MAP4K4: variants seen among roughly 807,000 people sequenced by gnomAD.
MAP4K4 encodes the protein mitogen-activated protein kinase kinase kinase kinase 4.
A neutral mutation model predicts 189.6 loss-of-function variants in MAP4K4; 38 were observed. That is an observed-to-expected ratio of 0.20 (90% confidence interval 0.15 to 0.26). The LOEUF (loss-of-function observed/expected upper bound fraction) is 0.26. MAP4K4 is among the 10% of genes least tolerant of loss of function. MAP4K4 has a pLI of 1.00. For synonymous variants in MAP4K4, 610 were observed against 624.3 expected (o/e 0.98, Z 0.34); for missense variants, 1,054 against 1,726.9 (o/e 0.61, Z 6.91).
rs900414653 is a variant in MAP4K4, at chr2:101,731,324, C to T, written c.123+32786C>T. Reference sequence around the variant, plus strand: ...TAGAGATGGGGTTTCACCATGTTGGCCAGGCTGGCCTCGAACTCCTGACCT... The same window carrying T: ...TAGAGATGGGGTTTCACCATGTTGGTCAGGCTGGCCTCGAACTCCTGACCT... On this transcript the variant is annotated intron_variant, in intron 2 of 32. Coordinates refer to ENST00000324219, the Ensembl canonical transcript of MAP4K4. Among the ~76,000 whole-genome samples, 60 of 151,712 alleles carry T rather than the reference C, an allele frequency of 4.0e-4. 1 individual carries two copies. Among genetic ancestry groups the T allele is most frequent in the Non-Finnish European group, 8.8e-5 (6 of 67,930 alleles).
intron 2 of MAP4K4, among the ~76,000 whole-genome samples, chr2:101,713,849 G>A (rs62155719): frequency 0.29 from 42,629 of 149,486 alleles, 6,713 homozygotes; most frequent in South Asian, 0.5. Context: ...AGCTGAGGTC[G>A]CGCCACTGCA....
At chr2:101,783,203 A>G (rs991622276) in intron 2 of MAP4K4, among the ~76,000 whole-genome samples, 7 of 134,370 alleles carry the variant, frequency 5.2e-5, no homozygotes, top group Non-Finnish European at 1.0e-4. Context: ...AATCTGTAAA[A>G]TCACCATTTT....
intron 2 of MAP4K4, among the ~76,000 whole-genome samples, chr2:101,722,506 A>G (rs114784661): frequency 1.4e-3 from 212 of 152,328 alleles, no homozygotes; most frequent in Non-Finnish European, 2.6e-3. Flanking sequence ...AAAGAGGTAA[A>G]TAAAGGTCTG....
chr2:101,703,939 C>T (rs541630885), intron 2 of MAP4K4, among the ~76,000 whole-genome samples: 2 of 151,822 alleles, frequency 1.3e-5, no homozygotes, highest in East Asian at 3.9e-4. Flanking sequence ...TGAACTTCCC[C>T]AGGAGGTGGA....
intron 3 of MAP4K4, among the ~76,000 whole-genome samples, chr2:101,811,174 C>T (rs2095397381): frequency 6.6e-6 from 1 of 151,732 alleles, no homozygotes; most frequent in African/African-American, 2.4e-5. Context: ...GAGATCGAGG[C>T]CATCCTGCCC....
At chr2:101,764,113 C>G (rs887012185) in intron 2 of MAP4K4, among the ~76,000 whole-genome samples, 2 of 151,894 alleles carry the variant, frequency 1.3e-5, no homozygotes, top group Admixed American at 6.6e-5. Flanking sequence ...AACATACTTA[C>G]AACATTGTTT....
intron 2 of MAP4K4, among the ~76,000 whole-genome samples, chr2:101,787,625 C>G (rs900137896): frequency 2.0e-5 from 3 of 152,068 alleles, no homozygotes; most frequent in African/African-American, 7.2e-5. Context: ...TTAAAAAACT[C>G]TTGGTGTAGC....
At chr2:101,767,467 T>C (rs968711992) in intron 2 of MAP4K4, among the ~76,000 whole-genome samples, 48 of 152,224 alleles carry the variant, frequency 3.2e-4, no homozygotes, top group African/African-American at 1.1e-3. Flanking sequence ...GAGGGAGCTT[T>C]TGAACACAAA....
At chr2:101,863,094 A>G (rs933440895) in intron 16 of MAP4K4, among the ~76,000 whole-genome samples, 2 of 152,200 alleles carry the variant, frequency 1.3e-5, no homozygotes, top group Admixed American at 6.5e-5. Context: ...ATATTTTTGT[A>G]ATTTCCCAAG....
chr2:101,718,196 C>T (rs979210646), intron 2 of MAP4K4, among the ~76,000 whole-genome samples: 10 of 148,620 alleles, frequency 6.7e-5, no homozygotes, highest in African/African-American at 2.2e-4. Context: ...GCAGAGGTTG[C>T]GGTGAGCCAA....
intron 2 of MAP4K4, among the ~76,000 whole-genome samples, chr2:101,719,097 A>G (rs991361039): frequency 6.6e-6 from 1 of 152,188 alleles, no homozygotes; most frequent in African/African-American, 2.4e-5. Context: ...GAGGTGTTAG[A>G]GAATGTGTAG....
chr2:101,760,006 G>C (rs2075479416), intron 2 of MAP4K4, among the ~76,000 whole-genome samples: 1 of 151,684 alleles, frequency 6.6e-6, no homozygotes, highest in African/African-American at 2.4e-5. Flanking sequence ...ACCACACCTG[G>C]CTAATTTTTT....
chr2:101,886,311 C>T (rs1049310443), intron 29 of MAP4K4, among the ~76,000 whole-genome samples: 3 of 152,130 alleles, frequency 2.0e-5, no homozygotes, highest in Admixed American at 2.0e-4. Flanking sequence ...AAATGGAGAC[C>T]ACCAGCACAA....
At chr2:101,884,121 G>T (rs1303484221) in intron 28 of MAP4K4, among the ~76,000 whole-genome samples, 1 of 152,158 alleles carries the variant, frequency 6.6e-6, no homozygotes. Context: ...CACTCATACA[G>T]AATGAATCAC....
chr2:101,736,926 T>G (rs975594614), intron 2 of MAP4K4, among the ~76,000 whole-genome samples: 6 of 152,206 alleles, frequency 3.9e-5, no homozygotes, highest in Non-Finnish European at 8.8e-5. Flanking sequence ...CCTTCCTCCC[T>G]CATTCCTTCC....
chr2:101,727,082 C>A (rs1459000359), intron 2 of MAP4K4, among the ~76,000 whole-genome samples: 1 of 152,106 alleles, frequency 6.6e-6, no homozygotes, highest in Non-Finnish European at 1.5e-5. Flanking sequence ...AAGACAGAGT[C>A]CTCATGGCCC....
chr2:101,729,101 A>AGAGAGAGAGAGTGTGT (rs149283961), intron 2 of MAP4K4, among the ~76,000 whole-genome samples: 22 of 130,604 alleles, frequency 1.7e-4, no homozygotes, highest in African/African-American at 6.5e-4. Flanking sequence ...AGAGAGAGAG[A>AGAGAGAGAGAGTGTGT]GTGTGTGTGT....
At chr2:101,851,724 C>CTTTTTTTTTTTTTT (rs36217584) in intron 12 of MAP4K4, among the ~76,000 whole-genome samples, 4 of 67,912 alleles carry the variant, frequency 5.9e-5, no homozygotes, top group African/African-American at 1.1e-4. Flanking sequence ...TAACTGTCCT[C>CTTTTTTTTTTTTTT]TTTTTTTTTT....
At chr2:101,865,072 G>A in intron 18 of MAP4K4, 36 bp downstream of exon 18, 2 of 1,297,774 alleles carry the variant, frequency 1.5e-6, no homozygotes, top group Non-Finnish European at 2.2e-6. Context: ...CAGGCCTTCT[G>A]TGCAGTCTAC....
Sources: allele counts gnomAD v4.1 joint callset (sites outside exome capture counted in the v4.1 genomes callset), GRCh38; gene constraint gnomAD v4.1.1; transcripts MANE v1.5; gene names NCBI Gene and HGNC (gene_info 2026-07-23, HGNC 2026-07-21).